The following XKR9 variants were observed in gnomAD, a reference collection of about 807,000 sequenced individuals.
The protein encoded by XKR9 is XK-related protein 9.
XKR9 carries 32 observed loss-of-function variants against 32.0 expected under a neutral mutation model. The observed-to-expected ratio is 1.00, with a 90% CI of 0.76 to 1.34. The LOEUF is 1.34. Ranked by LOEUF, XKR9 falls within the 40% of genes most tolerant of loss-of-function variation. XKR9 has a pLI of 0.00. For missense variants in XKR9, 546 were observed against 429.7 expected, an observed-to-expected ratio of 1.27 and a Z score of -2.39; for synonymous variants, 168 against 143.4, an observed-to-expected ratio of 1.17 and a Z score of -1.22.
chr8:70,703,039 T>G (rs923048844), intron 3 of XKR9, among the ~76,000 whole-genome samples: 2 of 152,162 alleles, frequency 1.3e-5, no homozygotes, highest in Non-Finnish European at 2.9e-5. Flanking sequence ...TTCAGCAATT[T>G]GAGTAAGATG....
the XKR9 span, among the ~76,000 whole-genome samples, chr8:70,905,584 G>A: frequency 2.6e-5 from 4 of 152,092 alleles, no homozygotes; most frequent in African/African-American, 9.7e-5. Context: ...TTATTTCAGA[G>A]ATGTTTGTTA....
At chr8:70,877,355 T>G in the XKR9 span, among the ~76,000 whole-genome samples, 319 of 152,338 alleles carry the variant, frequency 2.1e-3, 3 homozygotes, top group East Asian at 0.018. Flanking sequence ...ATTTTTAATC[T>G]GCCAGACATT....
chr8:70,764,550 T>G (rs868663394), intron 2 of XKR9, among the ~76,000 whole-genome samples: 6 of 152,214 alleles, frequency 3.9e-5, no homozygotes, highest in Non-Finnish European at 8.8e-5. Context: ...TGACCAGATC[T>G]GCCTCTTCAT....
At chr8:70,876,025 A>G in the XKR9 span, among the ~76,000 whole-genome samples, 1 of 152,180 alleles carries the variant, frequency 6.6e-6, no homozygotes, top group Non-Finnish European at 1.5e-5. Flanking sequence ...AACATAATAT[A>G]AAGGTTTAAA....
chr8:70,768,289 TTTG>T (rs1480143155), intron 2 of XKR9, among the ~76,000 whole-genome samples: 1 of 152,188 alleles, frequency 6.6e-6, no homozygotes, highest in East Asian at 1.9e-4. Flanking sequence ...TGAGAGACTG[TTTG>T]TTATGATTTC....
chr8:70,795,729 A>T, the XKR9 span, among the ~76,000 whole-genome samples: 8 of 152,110 alleles, frequency 5.3e-5, no homozygotes, highest in East Asian at 1.4e-3. Context: ...TTCTCTAATG[A>T]TCACTGATGT....
At chr8:70,726,909 G>T (rs1410327695) in intron 4 of XKR9, among the ~76,000 whole-genome samples, 5 of 152,194 alleles carry the variant, frequency 3.3e-5, no homozygotes, top group African/African-American at 9.7e-5. Flanking sequence ...AGGCAATTTT[G>T]TGAGAGTTTT....
At chr8:71,004,998 CTTTTTTTTTTTTTTT>C in the XKR9 span, among the ~76,000 whole-genome samples, 11 of 48,206 alleles carry the variant, frequency 2.3e-4, no homozygotes, top group African/African-American at 6.0e-4. Flanking sequence ...TTAATCTATG[CTTTTTTTTTTTTTTT>C]TTTTTTTTTT....
chr8:70,812,275 A>G, the XKR9 span, among the ~76,000 whole-genome samples: 10 of 152,248 alleles, frequency 6.6e-5, no homozygotes, highest in African/African-American at 2.4e-4. Context: ...TAAATTAGGT[A>G]TTGATGGGAC....
chr8:70,962,915 C>T, the XKR9 span, among the ~76,000 whole-genome samples: 1 of 152,050 alleles, frequency 6.6e-6, no homozygotes, highest in Admixed American at 6.6e-5. Context: ...AAGTAGGGTT[C>T]AAGATTTAAA....
intron 3 of XKR9, among the ~76,000 whole-genome samples, chr8:70,700,291 T>C (rs564410427): frequency 6.6e-6 from 1 of 152,134 alleles, no homozygotes; most frequent in South Asian, 2.1e-4. Flanking sequence ...TTCTGCTCTG[T>C]TTTTTCCCCC....
At chr8:70,910,613 C>A in the XKR9 span, among the ~76,000 whole-genome samples, 1 of 152,212 alleles carries the variant, frequency 6.6e-6, no homozygotes, top group African/African-American at 2.4e-5. Context: ...AACTCAGGAA[C>A]AAGCCTCTAT....
At chr8:71,015,984 A>G in the XKR9 span, among the ~76,000 whole-genome samples, 1 of 152,136 alleles carries the variant, frequency 6.6e-6, no homozygotes, top group Non-Finnish European at 1.5e-5. Flanking sequence ...GCCAAAAGTC[A>G]TCTACACACA....
the XKR9 span, among the ~76,000 whole-genome samples, chr8:70,828,599 C>T: frequency 6.6e-6 from 1 of 151,904 alleles, no homozygotes; most frequent in Non-Finnish European, 1.5e-5. Flanking sequence ...TGGCACGCAC[C>T]TGTAATTCAG....
chr8:71,060,919 C>T, the XKR9 span, among the ~76,000 whole-genome samples: 523 of 152,180 alleles, frequency 3.4e-3, 2 homozygotes, highest in African/African-American at 0.012. Context: ...TCTAAATCAC[C>T]ACGTAGTTCT....
At chr8:70,783,411 A>G (rs928772628) in intron 2 of XKR9, among the ~76,000 whole-genome samples, 1 of 152,016 alleles carries the variant, frequency 6.6e-6, no homozygotes, top group Non-Finnish European at 1.5e-5. Flanking sequence ...TATTTTTAGT[A>G]GAGATGGGGT....
intron 3 of XKR9, among the ~76,000 whole-genome samples, chr8:70,682,766 T>C (rs1334525422): frequency 6.6e-6 from 1 of 152,224 alleles, no homozygotes; most frequent in Non-Finnish European, 1.5e-5. Context: ...TTTTGCTTTT[T>C]CAAGACTTTC....
At chr8:70,945,635 A>G in the XKR9 span, among the ~76,000 whole-genome samples, 2 of 152,132 alleles carry the variant, frequency 1.3e-5, no homozygotes, top group African/African-American at 2.4e-5. Context: ...TCTAGCTTTT[A>G]TGACTGCTGC....
chr8:70,841,296 A>C, the XKR9 span, among the ~76,000 whole-genome samples: 2 of 152,156 alleles, frequency 1.3e-5, no homozygotes, highest in Non-Finnish European at 2.9e-5. Context: ...ACTTATGTCA[A>C]TAAAGAAATA....
Sources: gnomAD v4.1 joint callset for allele counts (sites outside exome capture counted in the v4.1 genomes callset) on GRCh38, gnomAD v4.1.1 for gene constraint, MANE v1.5 for transcripts, NCBI Gene and HGNC (gene_info 2026-07-23, HGNC 2026-07-21) for gene names.